Variants in PATL2 observed in about 807,000 individuals in gnomAD.
PATL2 encodes PAT1 homolog 2, also known as protein PAT1 homolog 2.
Under a neutral mutation model 77.0 loss-of-function variants are expected in PATL2, and 73 were observed. The ratio of observed to expected loss-of-function variants is 0.95; its 90% confidence interval spans 0.78 to 1.15. The LOEUF is 1.15. Among genes scored for constraint, PATL2 ranks in the 50% most tolerant of loss-of-function variants. The pLI, the probability that PATL2 is intolerant of heterozygous loss-of-function variation, is 0.00. For missense variants in PATL2, 618 were observed against 655.4 expected, an observed-to-expected ratio of 0.94 and a Z score of 0.62; for synonymous variants, 265 against 257.1, an observed-to-expected ratio of 1.03 and a Z score of -0.29.
chr15:44,677,775 G>A (rs1008966097), intron 3 of PATL2, among the ~76,000 whole-genome samples: 3 of 152,212 alleles, frequency 2.0e-5, no homozygotes, highest in Non-Finnish European at 4.4e-5. Context: ...TGTTTCAGAA[G>A]TTTTACTGCA....
intron 3 of PATL2, among the ~76,000 whole-genome samples, chr15:44,705,353 T>C (rs148996540): frequency 2.0e-5 from 3 of 152,182 alleles, no homozygotes; most frequent in African/African-American, 7.2e-5. Context: ...CAGCTAATTT[T>C]TGTATTTTAG....
chr15:44,707,558 CTT>C (rs2141276149), intron 3 of PATL2, among the ~76,000 whole-genome samples: 1 of 152,272 alleles, frequency 6.6e-6, no homozygotes, highest in South Asian at 2.1e-4. Flanking sequence ...GGCCTCAGGA[CTT>C]TGCCTGGTGC....
Position 44,703,205 on chromosome 15 carries a change from G to A in PATL2, c.-76+6891C>T, listed in dbSNP as rs537239352. Among the ~76,000 whole-genome samples the A allele has an allele frequency of 3.9e-5, 6 of 152,206 alleles. No individual in the cohort carries two copies. In the South Asian group the frequency reaches 1.2e-3, roughly 32 times the overall value. On this transcript the variant is annotated intron_variant, in intron 3 of 17. Transcript: ENST00000682850. Reference sequence around the variant, plus strand: ...GCAGGAGAATGGTGTGAACCTGGGAGGTGGAGCTTGCAGTAAGCTGAGATC... The same window carrying A: ...GCAGGAGAATGGTGTGAACCTGGGAAGTGGAGCTTGCAGTAAGCTGAGATC...
At chr15:44,702,557 T>A (rs2141266310) in intron 3 of PATL2, among the ~76,000 whole-genome samples, 1 of 152,126 alleles carries the variant, frequency 6.6e-6, no homozygotes. Context: ...GCTTTTCTAG[T>A]TCTTTGAAAT....
At chr15:44,705,239 G>C (rs11631053) in intron 3 of PATL2, among the ~76,000 whole-genome samples, 1 of 151,802 alleles carries the variant, frequency 6.6e-6, no homozygotes, top group Non-Finnish European at 1.5e-5. Flanking sequence ...CTGGAGTGCA[G>C]TGCTGTGATC....
chr15:44,669,737 A>G (rs903223745), intron 11 of PATL2, 40 bp downstream of exon 11: 1 of 1,545,150 alleles, frequency 6.5e-7, no homozygotes, highest in Non-Finnish European at 8.8e-7. Flanking sequence ...CCCTTCTTCC[A>G]AAGGGGAGAG....
At chr15:44,695,946 C>G (rs954751406) in intron 3 of PATL2, among the ~76,000 whole-genome samples, 1 of 152,196 alleles carries the variant, frequency 6.6e-6, no homozygotes, top group Non-Finnish European at 1.5e-5. Flanking sequence ...GCAGGTCTAA[C>G]AGTGTCAGGG....
chr15:44,709,386 A>T (rs79584950), intron 3 of PATL2, among the ~76,000 whole-genome samples: 2,453 of 152,216 alleles, frequency 0.016, 87 homozygotes, highest in East Asian at 0.13. Flanking sequence ...AAGCTATTAA[A>T]CTGTCATATT....
At chr15:44,695,499 C>A (rs2086485269) in intron 3 of PATL2, among the ~76,000 whole-genome samples, 1 of 152,048 alleles carries the variant, frequency 6.6e-6, no homozygotes, top group South Asian at 2.1e-4. Context: ...GCCAGCCTTC[C>A]CCTCACCTCT....
chr15:44,666,342 T>G (rs1322905315), intron 17 of PATL2, 50 bp downstream of exon 17: 1 of 1,544,562 alleles, frequency 6.5e-7, no homozygotes, highest in Non-Finnish European at 8.8e-7. Context: ...TAACAGAACA[T>G]AGATTGGGCT....
At chr15:44,671,064 C>G (rs1379581008) in intron 9 of PATL2, among the ~76,000 whole-genome samples, 11 of 152,238 alleles carry the variant, frequency 7.2e-5, no homozygotes, top group Non-Finnish European at 1.5e-4. Flanking sequence ...AAAACTATTT[C>G]ACTTTCAGTG....
intron 3 of PATL2, among the ~76,000 whole-genome samples, chr15:44,678,282 T>G (rs1191822604): frequency 2.6e-5 from 4 of 152,206 alleles, no homozygotes; most frequent in Non-Finnish European, 4.4e-5. Flanking sequence ...ATTAGGTTGT[T>G]GTAGAGACTA....
Position 44,669,410 on chromosome 15 carries a change from A to C in PATL2, c.934T>G (p.Phe312Val). The stretch of plus-strand genomic sequence containing the variant: ...TCCTCTATTTCTAGTAACTGAAGGA[A>C]CATCTGGGAATTTGAGGGTGGAAAA... ...LRVLYRIEKM[F>V]LQLLEIEEGW... The change falls in exon 13 of 18, where the codon TTC (phenylalanine) becomes GTC (valine). Residue 312 changes from phenylalanine to valine, a missense_variant. By Grantham distance (50) the Phe-to-Val change is conservative. Transcript: ENST00000682850. 2 of 1,549,758 alleles carry C rather than the reference A, an allele frequency of 1.3e-6. No individual in the cohort carries two copies. Among genetic ancestry groups the C allele is most frequent in the East Asian group, 2.4e-5 (1 of 40,826 alleles).
chr15:44,672,956 C>T (rs2141196446), intron 7 of PATL2, among the ~76,000 whole-genome samples: 1 of 152,234 alleles, frequency 6.6e-6, no homozygotes, highest in South Asian at 2.1e-4. Context: ...GACACAGTTT[C>T]ACCATGTTGG....
chr15:44,702,297 A>G (rs928564576), intron 3 of PATL2, among the ~76,000 whole-genome samples: 2 of 152,156 alleles, frequency 1.3e-5, no homozygotes, highest in African/African-American at 2.4e-5. Flanking sequence ...AGTAGCCTCT[A>G]ATGATCGTTT....
chr15:44,680,313 T>TAG (rs1422648094), intron 3 of PATL2, among the ~76,000 whole-genome samples: 6 of 152,132 alleles, frequency 3.9e-5, no homozygotes, highest in Non-Finnish European at 8.8e-5. Flanking sequence ...TTCCCATACA[T>TAG]CCCTCATCAG....
chr15:44,676,396 C>A (rs1689779757), intron 4 of PATL2, 79 bp downstream of exon 4: 3 of 1,257,796 alleles, frequency 2.4e-6, no homozygotes, highest in Admixed American at 4.0e-5. Flanking sequence ...TCTGGACATC[C>A]AATCCCATAT....
At position 44,672,007 on chromosome 15, in the gene PATL2, G is replaced by A; in HGVS notation, c.657+8C>T. ...GTCAGAGGCTGGGCTGAGTACTGCG[G>A]GGCTCACCTGGTAATAGTAGTCATC... is the stretch of plus-strand genomic sequence containing the variant. On this transcript the variant is annotated splice_region_variant and intron_variant, in intron 9 of 17. Coordinates refer to ENST00000682850, the MANE Select transcript of PATL2 (RefSeq NM_001387263.1). 6.4e-7 allele frequency: 1 copy of A among 1,551,612 alleles called. No individual in the cohort carries two copies.
chr15:44,682,604 C>G (rs1450212796), intron 3 of PATL2, among the ~76,000 whole-genome samples: 1 of 152,182 alleles, frequency 6.6e-6, no homozygotes, highest in African/African-American at 2.4e-5. Flanking sequence ...TACTCCAGCT[C>G]ACTCCTCACG....
Sources: gnomAD v4.1 joint callset for allele counts (sites outside exome capture counted in the v4.1 genomes callset) on GRCh38, gnomAD v4.1.1 for gene constraint, MANE v1.5 for transcripts, NCBI Gene and HGNC (gene_info 2026-07-23, HGNC 2026-07-21) for gene names.